FRMD4A: variants seen among roughly 807,000 people sequenced by gnomAD.
FRMD4A encodes FERM domain-containing protein 4A.
In FRMD4A, 29 loss-of-function variants were observed where a neutral mutation model predicts 129.1. That is an observed-to-expected ratio of 0.22 (90% CI 0.17 to 0.31). The LOEUF (loss-of-function observed/expected upper bound fraction) is 0.31, where lower values mean the gene tolerates loss of function less well. Among genes scored for constraint, FRMD4A ranks in the 10% least tolerant of loss-of-function variants. The pLI is 1.00. For synonymous variants in FRMD4A, 634 were observed against 571.6 expected (o/e 1.11, Z -1.56); for missense variants, 1,272 against 1,375.8 (o/e 0.92, Z 1.19).
chr10:14,020,268 T>C (rs1409393210), intron 2 of FRMD4A, among the ~76,000 whole-genome samples: 1 of 152,156 alleles, frequency 6.6e-6, no homozygotes, highest in African/African-American at 2.4e-5. Context: ...TGATGACAAC[T>C]AATTATGAAA....
At chr10:14,306,052 T>C (rs1017947869) in intron 2 of FRMD4A, among the ~76,000 whole-genome samples, 1 of 152,126 alleles carries the variant, frequency 6.6e-6, no homozygotes, top group Non-Finnish European at 1.5e-5. Flanking sequence ...GGTGATGGGA[T>C]GATGTGTGCA....
chr10:14,043,152 G>T (rs1212571195), intron 2 of FRMD4A, among the ~76,000 whole-genome samples: 1 of 152,078 alleles, frequency 6.6e-6, no homozygotes, highest in Non-Finnish European at 1.5e-5. Flanking sequence ...AGGTTACCAT[G>T]TTATCTATGT....
intron 2 of FRMD4A, among the ~76,000 whole-genome samples, chr10:14,280,560 C>A (rs1845484923): frequency 6.6e-6 from 1 of 152,200 alleles, no homozygotes; most frequent in African/African-American, 2.4e-5. Context: ...ATACAATCAT[C>A]ATTCTCAAAC....
chr10:13,669,044 T>A, intron 17 of FRMD4A, among the ~76,000 whole-genome samples: 1 of 145,278 alleles, frequency 6.9e-6, no homozygotes, highest in South Asian at 2.2e-4. Context: ...AGGAACTGCC[T>A]AACTGAGCTT....
In FRMD4A at chr10:13,804,461, G is replaced by A. The variant is rs948300391; in HGVS notation, c.206+6353C>T. On this transcript the variant is annotated intron_variant, in intron 4 of 24. Coordinates refer to ENST00000357447, the MANE Select transcript of FRMD4A (RefSeq NM_018027.5). ...CTGAGGACAGCACAGACCCAAGCTC[G>A]CTCCCGTGCACCAGCCTTCCTGGCA... Among the ~76,000 whole-genome samples, 5 of 152,254 alleles carry A rather than the reference G, an allele frequency of 3.3e-5. No individual in the cohort carries two copies. The South Asian group carries it at 1.0e-3, about 32-fold the overall frequency.
chr10:14,039,453 TCA>T lies in FRMD4A; in HGVS notation c.46-180543_46-180542del. ...ATCTATATTGGAACCCCAAAATCAATCAATCTATCTATCTATCTATCTATCTA... is the reference window on the plus strand; with the variant it reads ...ATCTATATTGGAACCCCAAAATCAATATCTATCTATCTATCTATCTATCTA... On this transcript the variant is annotated intron_variant, in intron 2 of 24. Coordinates refer to ENST00000357447, the MANE Select transcript of FRMD4A (RefSeq NM_018027.5). Among the ~76,000 whole-genome samples the T allele has an allele frequency of 1.4e-4, 5 of 36,808 alleles. No homozygotes were observed. The South Asian group carries it at 2.4e-3, about 18-fold the overall frequency. 24.1% of individuals were successfully genotyped at this position (36,808 alleles called of 152,430 possible). A position where few individuals can be genotyped will look rare whatever the true frequency, so the allele number is the denominator to read the frequency against.
intron 2 of FRMD4A, among the ~76,000 whole-genome samples, chr10:13,965,306 T>C (rs1342640491): frequency 2.0e-5 from 3 of 152,090 alleles, no homozygotes; most frequent in Non-Finnish European, 4.4e-5. Context: ...GGCACCAGGC[T>C]GTGAAGGTAT....
intron 2 of FRMD4A, among the ~76,000 whole-genome samples, chr10:14,124,906 A>G (rs1186022355): frequency 6.6e-6 from 1 of 152,152 alleles, no homozygotes; most frequent in African/African-American, 2.4e-5. Flanking sequence ...TTGGTGACCC[A>G]TGATAACACC....
chr10:14,179,615 T>C (rs1297588548), intron 2 of FRMD4A, among the ~76,000 whole-genome samples: 9 of 152,252 alleles, frequency 5.9e-5, no homozygotes, highest in African/African-American at 7.2e-5. Flanking sequence ...TGTGATTTAA[T>C]ATTAAGTGCT....
intron 2 of FRMD4A, among the ~76,000 whole-genome samples, chr10:13,869,214 G>A (rs10752332): frequency 0.46 from 69,561 of 152,028 alleles, 15,897 homozygotes; most frequent in Middle Eastern, 0.52. Context: ...ACAGGGCAGC[G>A]TGTCAGAAAA....
At chr10:14,169,082 A>G (rs1211937779) in intron 2 of FRMD4A, among the ~76,000 whole-genome samples, 5 of 149,332 alleles carry the variant, frequency 3.3e-5, no homozygotes, top group South Asian at 2.2e-4. Context: ...ATCATACTCA[A>G]ACCTATTTCT....
At chr10:14,318,893 C>G (rs531450856) in intron 2 of FRMD4A, among the ~76,000 whole-genome samples, 1 of 152,186 alleles carries the variant, frequency 6.6e-6, no homozygotes, top group African/African-American at 2.4e-5. Context: ...GGAAATGCAA[C>G]AGGAGCAAGT....
At chr10:13,954,145 G>A (rs188549566) in intron 2 of FRMD4A, among the ~76,000 whole-genome samples, 1 of 152,308 alleles carries the variant, frequency 6.6e-6, no homozygotes, top group African/African-American at 2.4e-5. Flanking sequence ...CGCAGGTTGG[G>A]TTGTGTTGGT....
intron 2 of FRMD4A, among the ~76,000 whole-genome samples, chr10:14,209,278 G>T (rs1333434908): frequency 6.6e-6 from 1 of 152,060 alleles, no homozygotes; most frequent in East Asian, 1.9e-4. Context: ...TATCCACGCT[G>T]GCATTTTAAC....
At chr10:14,173,361 G>A (rs61014188) in intron 2 of FRMD4A, among the ~76,000 whole-genome samples, 1 of 152,096 alleles carries the variant, frequency 6.6e-6, no homozygotes, top group Non-Finnish European at 1.5e-5. Context: ...AAGAACAAGC[G>A]CTTAGAGTCT....
chr10:14,288,624 C>T (rs1268002190), intron 2 of FRMD4A, among the ~76,000 whole-genome samples: 1 of 151,788 alleles, frequency 6.6e-6, no homozygotes, highest in Non-Finnish European at 1.5e-5. Context: ...GAACACTTAA[C>T]ATGAGATCTA....
At chr10:13,797,484 C>A (rs551078845) in intron 4 of FRMD4A, among the ~76,000 whole-genome samples, 2 of 152,082 alleles carry the variant, frequency 1.3e-5, no homozygotes, top group Non-Finnish European at 2.9e-5. Context: ...AGGACCCCAG[C>A]GTCTTAGTGT....
In FRMD4A at chr10:13,809,233, C is replaced by T. The variant is rs374569691; in HGVS notation, c.206+1581G>A. Among the ~76,000 whole-genome samples the T allele has an allele frequency of 9.8e-5, 15 of 152,354 alleles. No homozygotes were observed. In the South Asian group the frequency reaches 2.5e-3, roughly 25 times the overall value. On this transcript the variant is annotated intron_variant, in intron 4 of 24. Transcript: ENST00000357447. ...GAAATGTTCTGCAGACTCACATCAT[C>T]TTCCCCTTCAGCCCAGGATCACACG...
intron 2 of FRMD4A, among the ~76,000 whole-genome samples, chr10:13,988,548 T>C (rs755992898): frequency 2.6e-5 from 4 of 152,198 alleles, no homozygotes; most frequent in Non-Finnish European, 5.9e-5. Flanking sequence ...GTGGGAAAGA[T>C]AATTAATGGA....
Sources: allele counts gnomAD v4.1 joint callset (sites outside exome capture counted in the v4.1 genomes callset), GRCh38; gene constraint gnomAD v4.1.1; transcripts MANE v1.5; gene names NCBI Gene and HGNC (gene_info 2026-07-23, HGNC 2026-07-21).